Variants in ZNF783 observed in about 807,000 individuals in gnomAD.
ZNF783 encodes protein ZNF783.
A neutral mutation model predicts 31.3 loss-of-function variants in ZNF783; 25 were observed. The observed-to-expected ratio is 0.80, with a 90% confidence interval of 0.58 to 1.11. The LOEUF (loss-of-function observed/expected upper bound fraction) is 1.11. Ranked by LOEUF, ZNF783 falls within the 50% of genes most tolerant of loss-of-function variation. ZNF783 has a pLI of 0.00. For missense variants in ZNF783, 797 were observed against 760.0 expected, an observed-to-expected ratio of 1.05 and a Z score of -0.57; for synonymous variants, 369 against 319.1, an observed-to-expected ratio of 1.16 and a Z score of -1.66.
At chr7:149,279,713 G>A (rs1456981477) in intron 5 of ZNF783, among the ~76,000 whole-genome samples, 1 of 150,064 alleles carries the variant, frequency 6.7e-6, no homozygotes, top group Non-Finnish European at 1.5e-5. Flanking sequence ...GATTTGGCAG[G>A]GTCATAGGAC....
chr7:149,277,562 A>AC (rs1400434480), intron 4 of ZNF783, among the ~76,000 whole-genome samples: 1 of 151,836 alleles, frequency 6.6e-6, no homozygotes. Flanking sequence ...AGATGGTGGA[A>AC]CCCCGTCTCT....
Position 149,280,020 on chromosome 7 carries a change from G to A in ZNF783, c.803-1485G>A, listed in dbSNP as rs999538010. ...GACGAGATGGTGGCTGGGCAGAGGG[G>A]CTCCTCACTTCCTAGTAGGGGTGGC... On this transcript the variant is annotated intron_variant, in intron 5 of 5. Coordinates refer to ENST00000434415, the MANE Select transcript of ZNF783 (RefSeq NM_001195220.2). Among the ~76,000 whole-genome samples, 78 of 152,170 alleles carry A rather than the reference G, an allele frequency of 5.1e-4. 1 individual carries two copies. The highest frequency in any genetic ancestry group is 1.9e-3 in the African/African-American group (78 of 41,536).
rs755343191 is a variant in ZNF783, at chr7:149,266,845, C to G, written c.447C>G (p.Ala149=). 3.1e-6 allele frequency: 5 copies of G among 1,613,822 alleles called. No individual in the cohort carries two copies. In the African/African-American group the frequency reaches 6.7e-5, roughly 22 times the overall value. Residue 149 remains alanine (A), a synonymous_variant, in exon 3 of 6, where the codon GCC becomes GCG. Coordinates refer to ENST00000434415, the MANE Select transcript of ZNF783 (RefSeq NM_001195220.2). ...PKVPVTFDDV[A]VYFSELEWGK... ...TGCCCGTGACCTTCGATGATGTGGC[C>G]GTGTATTTCTCTGAGCTGGAGTGGG...
chr7:149,272,255 TC>T (rs1178128911), intron 4 of ZNF783, among the ~76,000 whole-genome samples: 2 of 152,154 alleles, frequency 1.3e-5, no homozygotes, highest in Non-Finnish European at 2.9e-5. Flanking sequence ...CCTCAAGTGA[TC>T]TACCCTCCTC....
At chr7:149,266,074 C>CCT (rs1201979647) in intron 1 of ZNF783, among the ~76,000 whole-genome samples, 12 of 152,214 alleles carry the variant, frequency 7.9e-5, no homozygotes, top group African/African-American at 2.9e-4. Flanking sequence ...CCATAGCTAG[C>CCT]CTGTAGGACA....
intron 5 of ZNF783, among the ~76,000 whole-genome samples, chr7:149,278,763 C>T (rs1303120294): frequency 1.3e-5 from 2 of 152,064 alleles, no homozygotes; most frequent in African/African-American, 2.4e-5. Context: ...GGGTGGGTTC[C>T]TCTGCGTGTT....
chr7:149,268,871 A>G (rs897639127), intron 4 of ZNF783, among the ~76,000 whole-genome samples: 2 of 152,126 alleles, frequency 1.3e-5, no homozygotes, highest in Non-Finnish European at 2.9e-5. Flanking sequence ...GGTTGATTCC[A>G]TGTCTTTGCT....
rs971695950 is a variant in ZNF783 at position 149,269,845 on chromosome 7, G to A, written c.673+2623G>A. 7.4e-4 allele frequency among the ~76,000 whole-genome samples: 89 copies of A among 120,872 alleles called. 1 individual carries two copies. The highest frequency in any genetic ancestry group is 3.0e-3 in the African/African-American group (89 of 29,822). 79.3% of individuals were successfully genotyped at this position (120,872 alleles called of 152,430 possible). ...CTCCCCCCACCCCACAACAGTCCCTGGTGTGTGATGTTTCCCTTTCTGTGT... is the reference window on the plus strand; with the variant it reads ...CTCCCCCCACCCCACAACAGTCCCTAGTGTGTGATGTTTCCCTTTCTGTGT... On this transcript the variant is annotated intron_variant, in intron 4 of 5. Transcript: ENST00000434415.
chr7:149,281,742 G>C lies in ZNF783; in HGVS notation c.1040G>C (p.Arg347Pro). The C allele has an allele frequency of 6.8e-7, 1 of 1,479,926 alleles. No individual in the cohort carries two copies. The highest frequency in any genetic ancestry group is 8.9e-7 in the Non-Finnish European group (1 of 1,124,162). 91.7% of individuals were successfully genotyped at this position (1,479,926 alleles called of 1,614,324 possible). A position where few individuals can be genotyped will look rare whatever the true frequency, so the allele number is the denominator to read the frequency against. ...TPRVLSRRRQ[R>P]AFPCPDCGQS... ...CGAGTCCTCTCCCGCAGGCGGCAGCGGGCATTCCCCTGCCCCGACTGCGGG... is the reference window on the plus strand; with the variant it reads ...CGAGTCCTCTCCCGCAGGCGGCAGCCGGCATTCCCCTGCCCCGACTGCGGG... Residue 347 changes from arginine to proline, a missense_variant, in exon 6 of 6, where the codon CGG becomes CCG. Arg to Pro is a moderately radical substitution (Grantham distance 103, BLOSUM62 -2). Transcript: ENST00000434415.
chr7:149,277,412 A>C (rs1445030449), intron 4 of ZNF783: 3 of 152,084 alleles, frequency 2.0e-5, no homozygotes, highest in Non-Finnish European at 4.4e-5. Context: ...TTTGCTCATC[A>C]TAGTTTTTTT....
intron 4 of ZNF783, among the ~76,000 whole-genome samples, chr7:149,275,464 G>GCC (rs1797306614): frequency 1.3e-5 from 2 of 151,168 alleles, no homozygotes; most frequent in Non-Finnish European, 2.9e-5. Flanking sequence ...AGGCACCCAT[G>GCC]ACCACGCCCG....
intron 4 of ZNF783, among the ~76,000 whole-genome samples, chr7:149,271,229 C>T (rs1197404534): frequency 6.6e-6 from 1 of 152,256 alleles, no homozygotes; most frequent in Non-Finnish European, 1.5e-5. Context: ...TGAGCCACGG[C>T]GCCCAGCCTG....
chr7:149,264,491 A>G (rs1313364734), intron 1 of ZNF783, among the ~76,000 whole-genome samples: 3 of 152,170 alleles, frequency 2.0e-5, no homozygotes, highest in Non-Finnish European at 4.4e-5. Flanking sequence ...GGCCATGAAG[A>G]AGTCTAGATC....
intron 5 of ZNF783, among the ~76,000 whole-genome samples, chr7:149,279,807 A>T (rs13226967): frequency 0.087 from 12,952 of 149,470 alleles, 596 homozygotes; most frequent in African/African-American, 0.12. Flanking sequence ...ATCAACAGGA[A>T]CCCAAGGCAG....
chr7:149,264,659 G>A (rs1797019900), intron 1 of ZNF783, among the ~76,000 whole-genome samples: 1 of 152,144 alleles, frequency 6.6e-6, no homozygotes, highest in Non-Finnish European at 1.5e-5. Flanking sequence ...CGGATCACAA[G>A]GTCAGGAGTT....
intron 1 of ZNF783, among the ~76,000 whole-genome samples, chr7:149,262,588 A>G (rs1796952895): frequency 6.6e-6 from 1 of 152,176 alleles, no homozygotes; most frequent in Non-Finnish European, 1.5e-5. Context: ...GATCCGGCCC[A>G]TCTGCGGCCT....
Position 149,282,928 on chromosome 7 carries a change from G to A in ZNF783, c.*585G>A, listed in dbSNP as rs1166940462. 3 of 151,822 alleles carry A rather than the reference G, an allele frequency of 2.0e-5. No homozygotes were observed. The highest frequency in any genetic ancestry group is 4.4e-5 in the Non-Finnish European group (3 of 68,014). 9.4% of individuals were successfully genotyped at this position (151,822 alleles called of 1,614,324 possible). On this transcript the variant is annotated 3_prime_UTR_variant, in exon 6 of 6. Coordinates refer to ENST00000434415, the MANE Select transcript of ZNF783 (RefSeq NM_001195220.2). ...TGAGGCTCGCAGAGCTGAAAGGGGA[G>A]CTACGTCCACCAGCCTGTGGGTCTT...
Position 149,282,938 on chromosome 7 carries a change from C to T in ZNF783, c.*595C>T, listed in dbSNP as rs1473726887. 2 of 148,540 alleles carry T rather than the reference C, an allele frequency of 1.3e-5. No homozygotes were observed. Among genetic ancestry groups the T allele is most frequent in the Non-Finnish European group, 3.0e-5 (2 of 67,106 alleles). 9.2% of individuals were successfully genotyped at this position (148,540 alleles called of 1,614,324 possible). ...AGAGCTGAAAGGGGAGCTACGTCCA[C>T]CAGCCTGTGGGTCTTTTGGTTTTTT... On this transcript the variant is annotated 3_prime_UTR_variant, in exon 6 of 6. Transcript: ENST00000434415.
chr7:149,270,712 A>T (rs888629625), intron 4 of ZNF783, among the ~76,000 whole-genome samples: 1 of 152,150 alleles, frequency 6.6e-6, no homozygotes, highest in Non-Finnish European at 1.5e-5. Context: ...TGGCTTTCAG[A>T]CACCATAAGG....
Sources: gnomAD v4.1 joint callset for allele counts (sites outside exome capture counted in the v4.1 genomes callset) on GRCh38, gnomAD v4.1.1 for gene constraint, MANE v1.5 for transcripts, NCBI Gene and HGNC (gene_info 2026-07-23, HGNC 2026-07-21) for gene names.